The following RIF1 variants were observed in gnomAD, a reference collection of about 807,000 sequenced individuals.
The protein encoded by RIF1 is replication timing regulatory factor 1, also known as telomere-associated protein RIF1.
Under a neutral mutation model 247.1 loss-of-function variants are expected in RIF1, and 45 were observed. That is an observed-to-expected ratio of 0.18 (90% CI 0.14 to 0.23). RIF1 has a LOEUF of 0.23. Ranked by LOEUF, RIF1 falls within the 10% of genes least tolerant of loss-of-function variation. The pLI, the probability that RIF1 is intolerant of heterozygous loss-of-function variation, is 1.00. For synonymous variants in RIF1, 1,087 were observed against 978.8 expected (o/e 1.11, Z -2.06); for missense variants, 2,967 against 2,862.5 (o/e 1.04, Z -0.83).
At chr2:151,410,159 C>T (rs1249116052) in intron 1 of RIF1, 126 bp downstream of exon 1, 2 of 655,702 alleles carry the variant, frequency 3.1e-6, no homozygotes, top group Admixed American at 2.2e-5. Context: ...TCTCCTCCCT[C>T]TGTTGAAAGC....
chr2:151,523,284 A>T, the RIF1 span, among the ~76,000 whole-genome samples: 1 of 152,180 alleles, frequency 6.6e-6, no homozygotes, highest in African/African-American at 2.4e-5. Context: ...AAAAACTTTT[A>T]AAAAATAATA....
chr2:151,464,076 A>G lies in RIF1; in HGVS notation c.4556A>G (p.Gln1519Arg). The change falls in exon 30 of 36, where the codon CAG becomes CGG. Residue 1519 changes from glutamine to arginine, a missense_variant. Gln to Arg is a conservative substitution (Grantham distance 43). Around this residue, in one of 7 missense-constraint regions of RIF1, gnomAD observed 2,028 missense variants for 1,825.6 expected, o/e 1.11. Coordinates refer to ENST00000444746, the MANE Select transcript of RIF1 (RefSeq NM_018151.5). ...ATTAAGTCTGAGGGGGATGGTACCC[A>G]GGACATTGTAGATAAGTCCTCTGAG... ...ENIKSEGDGT[Q>R]DIVDKSSEKL... 1 of 1,613,210 alleles carries G rather than the reference A, an allele frequency of 6.2e-7. No homozygotes were observed. Among genetic ancestry groups the G allele is most frequent in the Non-Finnish European group, 8.5e-7 (1 of 1,179,816 alleles).
rs756936545 is a variant in RIF1, at chr2:151,465,032, A to T, written c.5512A>T (p.Ile1838Phe). ...TGGAATAGTAAACTTTAGAGAGGAA[A>T]TTTGTGATATGGATTCTAGTGAAGC... is the stretch of plus-strand genomic sequence containing the variant. ...PSGIVNFREE[I>F]CDMDSSEAMS... The change falls in exon 30 of 36, where the codon ATT (isoleucine) becomes TTT (phenylalanine). Residue 1838 changes from isoleucine to phenylalanine, a missense_variant. Ile to Phe is a conservative substitution (Grantham distance 21). Coordinates refer to ENST00000444746, the MANE Select transcript of RIF1 (RefSeq NM_018151.5). The T allele has an allele frequency of 2.5e-6, 4 of 1,575,792 alleles. No individual in the cohort carries two copies. The South Asian group carries it at 4.8e-5, about 19-fold the overall frequency.
At chr2:151,491,430 C>T in intron 9 of RIF1, 1 of 341,734 alleles carries the variant, frequency 2.9e-6, no homozygotes, top group Non-Finnish European at 5.5e-6. Context: ...ACTGTTTTTT[C>T]TTTGGAAGAA....
Position 151,441,855 on chromosome 2 carries a change from A to G in RIF1, c.1648-50A>G, listed in dbSNP as rs773213078. On this transcript the variant is annotated intron_variant, in intron 15 of 35. Coordinates refer to ENST00000444746, the MANE Select transcript of RIF1 (RefSeq NM_018151.5). ...TATAGTTAACACTCAGATTTTTATT[A>G]GATAATATTTTTACGGCTAATTTAC... 1.8e-5 allele frequency: 15 copies of G among 811,042 alleles called. No individual in the cohort carries two copies. The African/African-American group carries it at 2.6e-4, about 14-fold the overall frequency. The allele number at this position is 811,042 out of a possible 1,614,324, so 50.2% of individuals were successfully genotyped here. A position where few individuals can be genotyped will look rare whatever the true frequency, so the allele number is the denominator to read the frequency against.
chr2:151,446,331 A>G (rs1693266397), intron 19 of RIF1, 95 bp from the exon 20 acceptor site: 4 of 1,126,950 alleles, frequency 3.5e-6, no homozygotes, highest in South Asian at 1.3e-5. Flanking sequence ...TAAATGTTGC[A>G]GTGTTTTTAA....
At chr2:151,438,423 A>T (rs1209716137) in intron 13 of RIF1, among the ~76,000 whole-genome samples, 2 of 152,198 alleles carry the variant, frequency 1.3e-5, no homozygotes, top group East Asian at 3.8e-4. Context: ...GGTGACAATG[A>T]GCTATGATTG....
intron 2 of RIF1, 81 bp downstream of exon 2, chr2:151,410,608 A>G: frequency 1.8e-6 from 2 of 1,127,698 alleles, no homozygotes; most frequent in Non-Finnish European, 2.6e-6. Flanking sequence ...GGGCGCGTAG[A>G]ATGAATGTGA....
intron 12 of RIF1, chr2:151,505,437 T>C (rs747521866): frequency 3.3e-6 from 5 of 1,514,376 alleles, no homozygotes; most frequent in Non-Finnish European, 4.6e-6. Context: ...AATTGAGAGA[T>C]GGCCAGTCAC....
intron 24 of RIF1, 96 bp from the exon 25 acceptor site, chr2:151,458,715 T>G: frequency 1.9e-6 from 1 of 518,034 alleles, no homozygotes; most frequent in South Asian, 4.6e-5. Context: ...AGATGTATTT[T>G]GCTGCTCTAA....
intron 9 of RIF1, chr2:151,491,844 G>T (rs2056844557): frequency 2.4e-6 from 3 of 1,275,092 alleles, no homozygotes; most frequent in African/African-American, 1.5e-5. Context: ...ACCAAGGCAT[G>T]AATTTTAACA....
downstream of RIF1, among the ~76,000 whole-genome samples, chr2:151,483,946 C>A (rs1054970079): frequency 6.6e-6 from 1 of 152,174 alleles, no homozygotes; most frequent in Non-Finnish European, 1.5e-5. Context: ...CAAAACTGGT[C>A]CCTAGTGCCA....
chr2:151,492,465 T>C, intron 9 of RIF1: 2 of 1,613,556 alleles, frequency 1.2e-6, no homozygotes, highest in African/African-American at 1.3e-5. Flanking sequence ...TGCCTTGTAT[T>C]TGTTTCCGGA....
the RIF1 span, chr2:151,513,758 G>A: frequency 1.6e-5 from 18 of 1,124,804 alleles, no homozygotes; most frequent in Middle Eastern, 1.9e-4. Context: ...TAAACATACA[G>A]GGTGAATGTA....
intron 10 of RIF1, chr2:151,498,407 C>T: frequency 2.2e-6 from 3 of 1,339,212 alleles, no homozygotes; most frequent in South Asian, 2.7e-5. Context: ...GTCATTTTCC[C>T]CCTGCTTTGG....
Position 151,416,697 on chromosome 2 carries a change from A to ATACT in RIF1, c.408+9_408+10insTACT. The ATACT allele has an allele frequency of 6.2e-7, 1 of 1,611,884 alleles. No homozygotes were observed. Among genetic ancestry groups the ATACT allele is most frequent in the South Asian group, 1.1e-5 (1 of 90,320 alleles). On this transcript the variant is annotated intron_variant, in intron 5 of 35. Transcript: ENST00000444746. The stretch of plus-strand genomic sequence containing the variant: ...AAGTGGTTGGCAAAATGGTGAGTAT[A>ATACT]GTTTTTGGGTATGCCATCTTAACTA...
intron 3 of RIF1, among the ~76,000 whole-genome samples, chr2:151,412,798 A>C (rs552908104): frequency 6.6e-6 from 1 of 152,050 alleles, no homozygotes; most frequent in East Asian, 1.9e-4. Context: ...CCTTTAAACA[A>C]GTGTTTCATC....
chr2:151,411,901 A>G (rs1686302500), intron 3 of RIF1, among the ~76,000 whole-genome samples: 1 of 152,238 alleles, frequency 6.6e-6, no homozygotes, highest in African/African-American at 2.4e-5. Flanking sequence ...AGGTGAAGAA[A>G]TTAATTTAAT....
At chr2:151,525,053 A>C in the RIF1 span, 10 of 843,746 alleles carry the variant, frequency 1.2e-5, no homozygotes, top group Admixed American at 2.2e-4. Flanking sequence ...TAACTTTTTG[A>C]AACTACCACA....
Sources: allele counts gnomAD v4.1 joint callset (sites outside exome capture counted in the v4.1 genomes callset), GRCh38; gene constraint gnomAD v4.1.1; regional missense constraint gnomAD v4.1.1; transcripts MANE v1.5; gene names NCBI Gene and HGNC (gene_info 2026-07-23, HGNC 2026-07-21).